INTS14: variants seen among roughly 807,000 people sequenced by gnomAD.
INTS14 encodes the protein integrator complex subunit 14.
Under a neutral mutation model 56.9 loss-of-function variants are expected in INTS14, and 27 were observed. The observed-to-expected ratio is 0.47, with a 90% CI of 0.35 to 0.65. The LOEUF (loss-of-function observed/expected upper bound fraction) is 0.65. INTS14 is among the 30% of genes least tolerant of loss of function. INTS14 has a pLI of 0.00. For missense variants in INTS14, 517 were observed against 632.2 expected, an observed-to-expected ratio of 0.82 and a Z score of 1.95; for synonymous variants, 207 against 236.2, an observed-to-expected ratio of 0.88 and a Z score of 1.13.
chr15:65,597,353 T>C (rs562327180), intron 6 of INTS14, among the ~76,000 whole-genome samples: 1 of 152,354 alleles, frequency 6.6e-6, no homozygotes, highest in African/African-American at 2.4e-5. Flanking sequence ...TCAGGCACTA[T>C]GCTGGACATC....
In INTS14 at chr15:65,584,773, C is replaced by T. The variant is rs1209496532; in HGVS notation, c.1236G>A (p.Leu412=). 6.2e-6 allele frequency: 10 copies of T among 1,610,984 alleles called. No homozygotes were observed. The highest frequency in any genetic ancestry group is 1.7e-5 in the Admixed American group (1 of 59,576). The change falls in exon 10 of 12, where the codon CTG becomes CTA. Residue 412 remains leucine (L), a synonymous_variant. Transcript: ENST00000313182. ...GCAACATAAATGGTAATGTTACCTG[C>T]AGGCCGCTGGGTTTGATCCAGACAG... ...NVTVWIKPSG[L]QTDVQKILRN... is the part of the protein sequence containing the mutation.
intron 10 of INTS14, 77 bp from the exon 11 acceptor site, chr15:65,582,096 A>C (rs2072645570): frequency 5.5e-6 from 7 of 1,264,854 alleles, no homozygotes; most frequent in Non-Finnish European, 7.7e-6. Context: ...GAATGGATCT[A>C]AATGTTTAAA....
At chr15:65,593,096 TAAA>T (rs765099877) in intron 8 of INTS14, among the ~76,000 whole-genome samples, 3 of 136,026 alleles carry the variant, frequency 2.2e-5, no homozygotes, top group Admixed American at 7.4e-5. Context: ...TTCTATAAAT[TAAA>T]AAAAAAAAAA....
At chr15:65,581,529 C>T (rs770102207) in intron 11 of INTS14, among the ~76,000 whole-genome samples, 11 of 107,044 alleles carry the variant, frequency 1.0e-4, no homozygotes, top group African/African-American at 3.7e-4. Context: ...GCCTGGGCAA[C>T]AGAGTGTGAC....
chr15:65,600,058 A>G, intron 3 of INTS14, 129 bp from the exon 4 acceptor site: 1 of 1,060,376 alleles, frequency 9.4e-7, no homozygotes, highest in Non-Finnish European at 1.3e-6. Context: ...CTGTAATCCC[A>G]GTGCTTTGGG....
At position 65,591,629 on chromosome 15, in the gene INTS14, T is replaced by C. The variant is rs1463832865; in HGVS notation, c.1089A>G (p.Leu363=). The C allele has an allele frequency of 1.9e-6, 3 of 1,614,104 alleles. No homozygotes were observed. The highest frequency in any genetic ancestry group is 2.2e-5 in the East Asian group (1 of 44,882). ...FEPGPEPLPW[L]GKMAQLGPIS... is the part of the protein sequence containing the mutation. ...TAGGACCCAACTGTGCCATTTTCCCTAGCCATGGGAGAGGTTCTGGGCCAG... is the reference window on the plus strand; with the variant it reads ...TAGGACCCAACTGTGCCATTTTCCCCAGCCATGGGAGAGGTTCTGGGCCAG... Residue 363 remains leucine (L), a synonymous_variant, in exon 9 of 12, where the codon CTA becomes CTG. Coordinates refer to ENST00000313182, the MANE Select transcript of INTS14 (RefSeq NM_001394796.1).
chr15:65,586,364 C>T (rs909109761), intron 9 of INTS14: 8 of 152,220 alleles, frequency 5.3e-5, no homozygotes, highest in Non-Finnish European at 2.9e-5. Flanking sequence ...GTTGGGCCTG[C>T]TTCAAAAGCC....
At chr15:65,583,679 T>C (rs1213627318) in intron 10 of INTS14, among the ~76,000 whole-genome samples, 1 of 152,156 alleles carries the variant, frequency 6.6e-6, no homozygotes, top group East Asian at 1.9e-4. Context: ...GTACATTTTA[T>C]GTATATTTTA....
chr15:65,582,522 G>C (rs527917802), intron 10 of INTS14, among the ~76,000 whole-genome samples: 8 of 152,282 alleles, frequency 5.3e-5, no homozygotes, highest in African/African-American at 1.9e-4. Context: ...CTACTCAGGA[G>C]GATTGCTTGA....
Position 65,594,030 on chromosome 15 carries a change from T to C in INTS14, c.842-458A>G, listed in dbSNP as rs563373384. ...AGTAAAGCTTACACACAAAAATCCATTCTCCACAGTTCCACTAGGATGTTT... is the reference window on the plus strand; with the variant it reads ...AGTAAAGCTTACACACAAAAATCCACTCTCCACAGTTCCACTAGGATGTTT... On this transcript the variant is annotated intron_variant, in intron 7 of 11. Coordinates refer to ENST00000313182, the MANE Select transcript of INTS14 (RefSeq NM_001394796.1). 1.3e-4 allele frequency among the ~76,000 whole-genome samples: 20 copies of C among 152,364 alleles called. No individual in the cohort carries two copies. In the South Asian group the frequency reaches 3.1e-3, roughly 24 times the overall value.
intron 8 of INTS14, among the ~76,000 whole-genome samples, chr15:65,592,488 G>A (rs2073064689): frequency 6.6e-6 from 1 of 152,182 alleles, no homozygotes. Context: ...TCACAGGGAA[G>A]GAACACAGCA....
chr15:65,579,861 A>C (rs542249723), intron 11 of INTS14, among the ~76,000 whole-genome samples: 1 of 152,344 alleles, frequency 6.6e-6, no homozygotes, highest in South Asian at 2.1e-4. Context: ...GACCAGAAGC[A>C]GGCTAAGGAA....
intron 3 of INTS14, among the ~76,000 whole-genome samples, chr15:65,603,769 A>T (rs1180712834): frequency 6.6e-6 from 1 of 152,240 alleles, no homozygotes; most frequent in East Asian, 1.9e-4. Flanking sequence ...TTTTGTAAAT[A>T]AAGTTTTATT....
chr15:65,597,521 A>G lies in INTS14; in HGVS notation c.748+800T>C, dbSNP rs529713448. 2.7e-4 allele frequency among the ~76,000 whole-genome samples: 41 copies of G among 152,350 alleles called. 1 individual carries two copies. In the South Asian group the frequency reaches 8.3e-3, roughly 31 times the overall value. On this transcript the variant is annotated intron_variant, in intron 6 of 11. Coordinates refer to ENST00000313182, the MANE Select transcript of INTS14 (RefSeq NM_001394796.1). ...TTCACTTTGCCAGTCTCAGTTAAGCATAGTATTGGCAACACGAACCAGGTA... is the reference window on the plus strand; with the variant it reads ...TTCACTTTGCCAGTCTCAGTTAAGCGTAGTATTGGCAACACGAACCAGGTA...
At chr15:65,598,026 T>C (rs1277935875) in intron 6 of INTS14, among the ~76,000 whole-genome samples, 1 of 152,154 alleles carries the variant, frequency 6.6e-6, no homozygotes, top group Non-Finnish European at 1.5e-5. Context: ...AATCCACAAC[T>C]ATTACACATG....
At chr15:65,600,311 T>TAAAAC (rs559547171) in intron 3 of INTS14, among the ~76,000 whole-genome samples, 11,675 of 148,178 alleles carry the variant, frequency 0.079, 461 homozygotes, top group Middle Eastern at 0.16. Flanking sequence ...TCTGTCTTTT[T>TAAAAC]AAAACAAAAC....
chr15:65,600,135 T>C (rs1273411361), intron 3 of INTS14, among the ~76,000 whole-genome samples: 2 of 150,708 alleles, frequency 1.3e-5, no homozygotes, highest in African/African-American at 4.9e-5. Context: ...GGAGACCCCA[T>C]CTCTAAAAAA....
intron 9 of INTS14, among the ~76,000 whole-genome samples, chr15:65,590,892 CAGA>C (rs1182328145): frequency 6.6e-6 from 1 of 152,042 alleles, no homozygotes; most frequent in Non-Finnish European, 1.5e-5. Context: ...GGAGGAAAAT[CAGA>C]AGGAGGAATA....
intron 9 of INTS14, among the ~76,000 whole-genome samples, 178 bp from the exon 10 acceptor site, chr15:65,585,066 T>C (rs2072767889): frequency 6.6e-6 from 1 of 152,182 alleles, no homozygotes; most frequent in African/African-American, 2.4e-5. Flanking sequence ...AAGCCACTGA[T>C]GTAGGAGGCC....
Sources: gnomAD v4.1 joint callset for allele counts (sites outside exome capture counted in the v4.1 genomes callset) on GRCh38, gnomAD v4.1.1 for gene constraint, MANE v1.5 for transcripts, NCBI Gene and HGNC (gene_info 2026-07-23, HGNC 2026-07-21) for gene names.